The following RGS8 variants were observed in gnomAD, a reference collection of about 807,000 sequenced individuals.
The protein encoded by RGS8 is regulator of G protein signaling 8, also known as regulator of G-protein signaling 8.
RGS8 carries 8 observed loss-of-function variants against 21.7 expected under a neutral mutation model. That is an observed-to-expected ratio of 0.37 (90% CI 0.22 to 0.66). The LOEUF (loss-of-function observed/expected upper bound fraction) is 0.66. RGS8 is among the 30% of genes least tolerant of loss of function. RGS8 has a pLI of 0.59. For missense variants in RGS8, 157 were observed against 217.9 expected, an observed-to-expected ratio of 0.72 and a Z score of 1.76; for synonymous variants, 80 against 83.6, an observed-to-expected ratio of 0.96 and a Z score of 0.24.
chr1:182,654,312 G>A (rs1443355950), intron 5 of RGS8, among the ~76,000 whole-genome samples: 1 of 152,170 alleles, frequency 6.6e-6, no homozygotes, highest in East Asian at 1.9e-4. Flanking sequence ...AAATTTTAGA[G>A]TAGAGAGACC....
the RGS8 span, among the ~76,000 whole-genome samples, chr1:182,735,406 T>C: frequency 4.6e-5 from 7 of 152,232 alleles, no homozygotes; most frequent in Non-Finnish European, 7.3e-5. Context: ...ATTAGTTAAC[T>C]TTTGTGGTAG....
upstream of RGS8, chr1:182,672,962 G>T: frequency 9.9e-7 from 1 of 1,012,388 alleles, no homozygotes. Context: ...CAAATGTTCA[G>T]GCCCCACCCC....
the RGS8 span, among the ~76,000 whole-genome samples, chr1:182,731,775 G>T: frequency 6.6e-6 from 1 of 152,218 alleles, no homozygotes; most frequent in African/African-American, 2.4e-5. Flanking sequence ...TGGACTTCAG[G>T]GTCCTACAGA....
the RGS8 span, among the ~76,000 whole-genome samples, chr1:182,722,208 G>T: frequency 7.1e-6 from 1 of 141,782 alleles, no homozygotes; most frequent in African/African-American, 2.7e-5. Context: ...GTGTCCTGAA[G>T]AAACAAGTGT....
the RGS8 span, among the ~76,000 whole-genome samples, chr1:182,721,057 A>G: frequency 6.7e-5 from 7 of 103,790 alleles, no homozygotes; most frequent in Non-Finnish European, 1.2e-4. Flanking sequence ...ATACATATAT[A>G]TGTGTGTATA....
upstream of RGS8, among the ~76,000 whole-genome samples, chr1:182,687,112 A>C (rs1222690002): frequency 6.6e-6 from 1 of 151,922 alleles, no homozygotes; most frequent in Non-Finnish European, 1.5e-5. Flanking sequence ...AATCCTCCAG[A>C]GTACTTATTA....
chr1:182,690,139 A>G, the RGS8 span, among the ~76,000 whole-genome samples: 2 of 152,282 alleles, frequency 1.3e-5, no homozygotes, highest in Admixed American at 1.3e-4. Flanking sequence ...AAAGAGGGAT[A>G]CTCATCATAC....
the RGS8 span, among the ~76,000 whole-genome samples, chr1:182,743,760 A>G: frequency 6.6e-6 from 1 of 152,202 alleles, no homozygotes; most frequent in African/African-American, 2.4e-5. Flanking sequence ...CTCTCTGTTC[A>G]CCATATCTAA....
the RGS8 span, chr1:182,734,815 T>C: frequency 1.8e-4 from 28 of 152,198 alleles, no homozygotes; most frequent in Non-Finnish European, 3.4e-4. Context: ...CAGCAATTAC[T>C]GCAAGTTGAA....
the RGS8 span, among the ~76,000 whole-genome samples, chr1:182,719,725 G>T: frequency 5.4e-5 from 8 of 149,206 alleles, no homozygotes; most frequent in Non-Finnish European, 5.9e-5. Context: ...CACCACACCC[G>T]ACTATTTTTC....
chr1:182,648,618 T>A (rs374417834), intron 5 of RGS8, among the ~76,000 whole-genome samples: 6 of 151,922 alleles, frequency 3.9e-5, no homozygotes, highest in African/African-American at 1.4e-4. Context: ...ATGTCTATAA[T>A]CCCAGCTACT....
chr1:182,715,431 C>T, the RGS8 span, among the ~76,000 whole-genome samples: 1 of 152,148 alleles, frequency 6.6e-6, no homozygotes, highest in African/African-American at 2.4e-5. Context: ...TCCTATAGGC[C>T]ATGATTGGGC....
At chr1:182,702,057 T>C in the RGS8 span, among the ~76,000 whole-genome samples, 3 of 152,228 alleles carry the variant, frequency 2.0e-5, no homozygotes, top group African/African-American at 7.2e-5. Context: ...AGCTGCCATC[T>C]GACCCAGCAA....
At chr1:182,688,699 C>G (rs955136995), upstream of RGS8, among the ~76,000 whole-genome samples, 2 of 152,158 alleles carry the variant, frequency 1.3e-5, no homozygotes, top group Admixed American at 1.3e-4. Flanking sequence ...GAGATTCAAA[C>G]TATGAGAGGG....
chr1:182,702,450 A>G, the RGS8 span, among the ~76,000 whole-genome samples: 3 of 152,206 alleles, frequency 2.0e-5, no homozygotes, highest in African/African-American at 7.2e-5. Context: ...CCTGGGTGAC[A>G]GGATCAGTCA....
At chr1:182,725,260 C>T in the RGS8 span, among the ~76,000 whole-genome samples, 1 of 152,170 alleles carries the variant, frequency 6.6e-6, no homozygotes, top group Non-Finnish European at 1.5e-5. Flanking sequence ...TAGTCCAAAA[C>T]AATGCCCCCC....
the RGS8 span, among the ~76,000 whole-genome samples, chr1:182,704,057 G>A: frequency 6.6e-5 from 10 of 152,326 alleles, no homozygotes; most frequent in East Asian, 1.7e-3. Flanking sequence ...TTTCACTATA[G>A]CTTTAACTAT....
chr1:182,652,520 A>T (rs1325055599), intron 5 of RGS8, among the ~76,000 whole-genome samples: 1 of 152,262 alleles, frequency 6.6e-6, no homozygotes, highest in East Asian at 1.9e-4. Context: ...ATAGCTAACA[A>T]TATGTAGCAT....
At chr1:182,746,955 G>C in the RGS8 span, among the ~76,000 whole-genome samples, 1 of 149,892 alleles carries the variant, frequency 6.7e-6, no homozygotes, top group Admixed American at 6.7e-5. Context: ...CCAGGCTGGA[G>C]TGCAATGGCA....
Sources: gnomAD v4.1 joint callset for allele counts (sites outside exome capture counted in the v4.1 genomes callset) on GRCh38, gnomAD v4.1.1 for gene constraint, MANE v1.5 for transcripts, NCBI Gene and HGNC (gene_info 2026-07-23, HGNC 2026-07-21) for gene names.